Variants in COL4A4 observed in about 807,000 individuals in gnomAD.
COL4A4 encodes collagen alpha-4(IV) chain.
In COL4A4, 105 loss-of-function variants were observed where a neutral mutation model predicts 192.9. That is an observed-to-expected ratio of 0.54 (90% confidence interval 0.46 to 0.64). The LOEUF (loss-of-function observed/expected upper bound fraction) is 0.64. Ranked by LOEUF, COL4A4 falls within the 30% of genes least tolerant of loss-of-function variation. The pLI is 0.00. For missense variants in COL4A4, 1,967 were observed against 2,169.3 expected, an observed-to-expected ratio of 0.91 and a Z score of 1.85; for synonymous variants, 762 against 769.9, an observed-to-expected ratio of 0.99 and a Z score of 0.17.
chr2:227,037,546 T>C (rs965390441), intron 37 of COL4A4, among the ~76,000 whole-genome samples: 2 of 152,228 alleles, frequency 1.3e-5, no homozygotes, highest in Non-Finnish European at 2.9e-5. Context: ...GCAATAAACA[T>C]ACATTTGCAT....
intron 43 of COL4A4, 198 bp from the exon 44 acceptor site, chr2:227,022,371 T>C (rs1966171990): frequency 1.2e-6 from 1 of 812,112 alleles, no homozygotes; most frequent in Non-Finnish European, 2.2e-6. Flanking sequence ...TCTTATGCCC[T>C]GGAGGGTACA....
intron 17 of COL4A4, among the ~76,000 whole-genome samples, chr2:227,100,543 G>A (rs1244471624): frequency 1.3e-5 from 2 of 152,108 alleles, no homozygotes; most frequent in South Asian, 2.1e-4. Flanking sequence ...ACCTAGAGAT[G>A]ATTTAAAATA....
rs1559478052 is a variant in COL4A4 at position 227,041,845 on chromosome 2, A to AG, written c.3505+302_3505+303insC. Among the ~76,000 whole-genome samples, 101 of 83,208 alleles carry AG rather than the reference A, an allele frequency of 1.2e-3. 3 individuals are homozygous for AG. The highest frequency in any genetic ancestry group is 4.7e-3 in the African/African-American group (71 of 14,954). The allele number at this position is 83,208 out of a possible 152,430, so 54.6% of individuals were successfully genotyped here. On this transcript the variant is annotated intron_variant, in intron 37 of 47. Transcript: ENST00000396625. ...GAAAGAAAGAAAGAAAGAAAGAAAG[A>AG]AAGAGAAAGAAAGAAAGAAAGAAAG...
At chr2:227,152,917 C>T (rs2064054973) in intron 1 of COL4A4, among the ~76,000 whole-genome samples, 1 of 152,124 alleles carries the variant, frequency 6.6e-6, no homozygotes. Context: ...AGTCTGTTCT[C>T]ACACTGCTAA....
rs370914840 is a variant in COL4A4 at position 227,033,475 on chromosome 2, G to C, written c.3512C>G (p.Ser1171Cys). The C allele has an allele frequency of 1.2e-5, 20 of 1,612,996 alleles. No individual in the cohort carries two copies. Among genetic ancestry groups the C allele is most frequent in the Non-Finnish European group, 1.7e-5 (20 of 1,179,960 alleles). The change falls in exon 38 of 48, where the codon TCC becomes TGC. Residue 1171 changes from serine to cysteine, a missense_variant. Ser to Cys is a moderately radical substitution (Grantham distance 112). Transcript: ENST00000396625. ...IPGPPGIKGP[S>C]GSPGLNGLHG... is the part of the protein sequence containing the mutation. ...CAAGCCGTTCAGGCCAGGTGATCCG[G>C]AGGGACCTGAAAAACACCACAGGCC...
At chr2:227,081,233 C>T (rs776100184) in intron 23 of COL4A4, among the ~76,000 whole-genome samples, 12 of 152,196 alleles carry the variant, frequency 7.9e-5, no homozygotes, top group Non-Finnish European at 1.2e-4. Flanking sequence ...CAGTGGACTG[C>T]GACAGGAAGA....
At chr2:226,972,616 G>C in the COL4A4 span, among the ~76,000 whole-genome samples, 4 of 152,266 alleles carry the variant, frequency 2.6e-5, no homozygotes, top group African/African-American at 9.6e-5. Flanking sequence ...GGCAGGAGCT[G>C]GAAATGGTGG....
At chr2:227,162,968 G>T (rs2064968333) in intron 1 of COL4A4, among the ~76,000 whole-genome samples, 1 of 152,230 alleles carries the variant, frequency 6.6e-6, no homozygotes. Context: ...TGGCTACAAA[G>T]TTCTAAGATA....
chr2:227,099,782 T>G, intron 17 of COL4A4, 93 bp from the exon 18 acceptor site: 3 of 1,049,242 alleles, frequency 2.9e-6, no homozygotes, highest in Non-Finnish European at 4.4e-6. Context: ...CATGTGCACA[T>G]TCATATAAGA....
rs1386590600 is a variant in COL4A4, at chr2:227,057,553, T to C, written c.2431A>G (p.Arg811Gly). 1.2e-6 allele frequency: 2 copies of C among 1,614,106 alleles called. No individual in the cohort carries two copies. The highest frequency in any genetic ancestry group is 4.5e-5 in the East Asian group (2 of 44,872). The change falls in exon 29 of 48, where the codon AGA becomes GGA. Residue 811 changes from arginine to glycine, a missense_variant. By Grantham distance (125) the Arg-to-Gly change is moderately radical (BLOSUM62 -2). Coordinates refer to ENST00000396625, the MANE Select transcript of COL4A4 (RefSeq NM_000092.5). Reference protein sequence around the residue: ...GFLGLKGPKGREGHAGFPGVP... With the variant: ...GFLGLKGPKGGEGHAGFPGVP... ...CCTGGAAACCCAGCATGTCCCTCTC[T>C]GCCTTTGGGACCTTTGAGACCTAGG...
At chr2:227,085,139 AAC>A (rs2059527252) in intron 22 of COL4A4, among the ~76,000 whole-genome samples, 2 of 134,038 alleles carry the variant, frequency 1.5e-5, no homozygotes, top group African/African-American at 5.4e-5. Context: ...CAAAAAAAAA[AAC>A]AAAAGCAAAA....
intron 42 of COL4A4, among the ~76,000 whole-genome samples, 195 bp from the exon 43 acceptor site, chr2:227,026,005 G>A (rs1399867750): frequency 6.6e-6 from 1 of 152,030 alleles, no homozygotes; most frequent in East Asian, 1.9e-4. Flanking sequence ...ACTGACAGGA[G>A]CAGCTATGAT....
intron 1 of COL4A4, among the ~76,000 whole-genome samples, chr2:227,163,555 A>G (rs1433636101): frequency 6.6e-6 from 1 of 152,270 alleles, no homozygotes; most frequent in African/African-American, 2.4e-5. Context: ...GGTCCGTAGC[A>G]CAGGAAACGG....
At chr2:227,050,196 C>T (rs1048108714) in intron 33 of COL4A4, 65 bp from the exon 34 acceptor site, 131 of 1,411,774 alleles carry the variant, frequency 9.3e-5, no homozygotes, top group East Asian at 6.1e-4. Flanking sequence ...ATGCACAACA[C>T]GATCCAGTTG....
intron 43 of COL4A4, among the ~76,000 whole-genome samples, chr2:227,024,371 G>A (rs966393601): frequency 1.3e-5 from 2 of 152,182 alleles, no homozygotes; most frequent in South Asian, 2.1e-4. Context: ...AATTAGCCAG[G>A]TGTGGTGGCA....
At chr2:227,149,925 A>G (rs1051162489) in intron 1 of COL4A4, among the ~76,000 whole-genome samples, 1 of 152,234 alleles carries the variant, frequency 6.6e-6, no homozygotes, top group Non-Finnish European at 1.5e-5. Context: ...CTGGTCTCTC[A>G]CTAGCCAAAA....
the COL4A4 span, among the ~76,000 whole-genome samples, chr2:226,974,276 C>T: frequency 3.4e-3 from 507 of 151,190 alleles, 4 homozygotes; most frequent in African/African-American, 0.012. Flanking sequence ...CTCGCTCTGT[C>T]GCCCAGGCTG....
In COL4A4 at chr2:227,118,704, A is replaced by C. The variant is rs1423990568; in HGVS notation, c.430T>G (p.Ser144Ala). The change falls in exon 7 of 48, where the codon TCA (serine) becomes GCA (alanine). Residue 144 changes from serine to alanine, a missense_variant. Ser to Ala is a moderately conservative substitution (Grantham distance 99). Coordinates refer to ENST00000396625, the MANE Select transcript of COL4A4 (RefSeq NM_000092.5). ...GKPGMSGHNG[S>A]RGDPGFPGGR... The stretch of plus-strand genomic sequence containing the variant: ...CCTGGAAACCCTGGGTCACCTCTTG[A>C]GCCATTGTGGCCACTCATACCAGGT... 1 of 1,614,002 alleles carries C rather than the reference A, an allele frequency of 6.2e-7. No homozygotes were observed. Among genetic ancestry groups the C allele is most frequent in the East Asian group, 2.2e-5 (1 of 44,872 alleles).
intron 35 of COL4A4, among the ~76,000 whole-genome samples, chr2:227,045,817 CACATATATA>C (rs1972435077): frequency 3.0e-5 from 1 of 33,758 alleles, no homozygotes; most frequent in African/African-American, 1.8e-4. Flanking sequence ...TATATATATA[CACATATATA>C]TATATACACA....
Sources: allele counts gnomAD v4.1 joint callset (sites outside exome capture counted in the v4.1 genomes callset), GRCh38; gene constraint gnomAD v4.1.1; transcripts MANE v1.5; gene names NCBI Gene and HGNC (gene_info 2026-07-23, HGNC 2026-07-21).